Variants in ARHGAP44 observed in about 807,000 individuals in gnomAD.
ARHGAP44 encodes the protein rho GTPase-activating protein 44.
In ARHGAP44, 43 loss-of-function variants were observed where a neutral mutation model predicts 106.8. The observed-to-expected ratio is 0.40, with a 90% CI of 0.32 to 0.52. ARHGAP44 has a LOEUF of 0.52. Ranked by LOEUF, ARHGAP44 falls within the 20% of genes least tolerant of loss-of-function variation. The pLI is 0.48. For synonymous variants in ARHGAP44, 439 were observed against 410.3 expected (o/e 1.07, Z -0.85); for missense variants, 866 against 1,050.5 (o/e 0.82, Z 2.43).
chr17:12,965,213 G>A (rs76234115), intron 16 of ARHGAP44, among the ~76,000 whole-genome samples: 22 of 152,236 alleles, frequency 1.4e-4, no homozygotes, highest in African/African-American at 4.6e-4. Context: ...ACCTCAGGCC[G>A]TGATTCTCAG....
intron 1 of ARHGAP44, among the ~76,000 whole-genome samples, chr17:12,849,718 G>T (rs1310344708): frequency 6.6e-6 from 1 of 151,822 alleles, no homozygotes; most frequent in Non-Finnish European, 1.5e-5. Context: ...AACAGCATCC[G>T]CAAATTATTG....
intron 1 of ARHGAP44, among the ~76,000 whole-genome samples, chr17:12,834,288 C>T (rs1457984952): frequency 6.6e-6 from 1 of 152,160 alleles, no homozygotes; most frequent in Non-Finnish European, 1.5e-5. Context: ...AGTCTTCTTC[C>T]ATATGTCTAA....
At chr17:12,974,039 C>G in intron 17 of ARHGAP44, 50 bp from the exon 18 acceptor site, 1 of 1,527,784 alleles carries the variant, frequency 6.5e-7, no homozygotes, top group Non-Finnish European at 8.9e-7. Context: ...GAGCCTGTCT[C>G]CTGTCATCTG....
chr17:12,841,641 A>ACACACACACACAC (rs2035409552), intron 1 of ARHGAP44, among the ~76,000 whole-genome samples: 1 of 127,804 alleles, frequency 7.8e-6, no homozygotes, highest in African/African-American at 3.4e-5. Flanking sequence ...CACACACACA[A>ACACACACACACAC]ACAAACAAAC....
chr17:12,906,976 A>T (rs2037569426), intron 3 of ARHGAP44, among the ~76,000 whole-genome samples: 1 of 152,100 alleles, frequency 6.6e-6, no homozygotes, highest in African/African-American at 2.4e-5. Flanking sequence ...AAACAGAAAA[A>T]AAGGAAAGAA....
intron 13 of ARHGAP44, among the ~76,000 whole-genome samples, chr17:12,954,140 C>T (rs143332475): frequency 0.013 from 2,013 of 151,814 alleles, 24 homozygotes; most frequent in Middle Eastern, 0.031. Flanking sequence ...ACAGGTGATC[C>T]GCCCGCCTCG....
intron 1 of ARHGAP44, among the ~76,000 whole-genome samples, chr17:12,799,354 G>A (rs1477770794): frequency 6.6e-6 from 1 of 152,158 alleles, no homozygotes; most frequent in African/African-American, 2.4e-5. Flanking sequence ...TGAGTCAGGA[G>A]GACTCCCATG....
chr17:12,961,409 A>T (rs1001390080), intron 16 of ARHGAP44, among the ~76,000 whole-genome samples: 4 of 152,244 alleles, frequency 2.6e-5, no homozygotes, highest in African/African-American at 9.6e-5. Flanking sequence ...GTATTGTTGT[A>T]CATAAAATAA....
intron 10 of ARHGAP44, among the ~76,000 whole-genome samples, chr17:12,946,021 AGT>A (rs2038842254): frequency 6.6e-6 from 1 of 152,166 alleles, no homozygotes; most frequent in African/African-American, 2.4e-5. Flanking sequence ...GGCCTCCCAA[AGT>A]GCTGAGATTA....
At chr17:12,852,146 G>A (rs1311076080) in intron 1 of ARHGAP44, among the ~76,000 whole-genome samples, 1 of 142,958 alleles carries the variant, frequency 7.0e-6, no homozygotes, top group African/African-American at 2.6e-5. Context: ...GTTCAAATAA[G>A]GTTAAAGTCT....
At chr17:12,945,888 G>A (rs2038838413) in intron 10 of ARHGAP44, among the ~76,000 whole-genome samples, 2 of 152,226 alleles carry the variant, frequency 1.3e-5, no homozygotes, top group South Asian at 2.1e-4. Context: ...CCAGGTTCAA[G>A]CGATTCTCCT....
intron 1 of ARHGAP44, among the ~76,000 whole-genome samples, chr17:12,862,662 T>A (rs191376784): frequency 2.6e-5 from 4 of 152,232 alleles, no homozygotes; most frequent in African/African-American, 7.2e-5. Context: ...GAATGTTCAT[T>A]ATACTTGCAC....
At chr17:12,830,743 A>AT (rs11454927) in intron 1 of ARHGAP44, among the ~76,000 whole-genome samples, 29,911 of 151,716 alleles carry the variant, frequency 0.2, 3,949 homozygotes, top group African/African-American at 0.37. Flanking sequence ...ATATGTTATT[A>AT]TTTTTTTTCC....
At chr17:12,841,614 A>T (rs1312867960) in intron 1 of ARHGAP44, among the ~76,000 whole-genome samples, 12 of 144,436 alleles carry the variant, frequency 8.3e-5, no homozygotes, top group Admixed American at 4.1e-4. Flanking sequence ...ACACACACAC[A>T]CACACACACA....
chr17:12,910,733 T>G (rs2150942412), intron 4 of ARHGAP44, among the ~76,000 whole-genome samples: 1 of 152,110 alleles, frequency 6.6e-6, no homozygotes, highest in Non-Finnish European at 1.5e-5. Context: ...GGAGTGCTTA[T>G]GTAGCATTTT....
chr17:12,990,273 C>G lies in ARHGAP44; in HGVS notation c.*102C>G. On this transcript the variant is annotated 3_prime_UTR_variant, in exon 21 of 21. Transcript: ENST00000379672. Reference sequence around the variant, plus strand: ...GCTTGCCAAGTGTTCTCTGCTGGCTCTTTCCTGCCACTGCCAACACGAGGT... The same window carrying G: ...GCTTGCCAAGTGTTCTCTGCTGGCTGTTTCCTGCCACTGCCAACACGAGGT... 7.0e-7 allele frequency: 1 copy of G among 1,427,674 alleles called. No individual in the cohort carries two copies. Among genetic ancestry groups the G allele is most frequent in the Non-Finnish European group, 9.4e-7 (1 of 1,065,268 alleles). 88.4% of individuals were successfully genotyped at this position (1,427,674 alleles called of 1,614,324 possible).
Position 12,949,190 on chromosome 17 carries a change from G to C in ARHGAP44, c.912G>C (p.Ala304=). ...CCTCCAAACTGAAGAAGCTGAAAGC[G>C]GCCCTGGACTGCTGCGTGGTGGATG... ...PSASKLKKLK[A]ALDCCVVDVQ... is the part of the protein sequence containing the mutation. The change falls in exon 11 of 21, where the codon GCG becomes GCC. Residue 304 remains alanine (A), a synonymous_variant. Transcript: ENST00000379672. The surrounding 1 kb of genome is among the most constrained non-coding windows in gnomAD (Gnocchi z 4.1). The C allele has an allele frequency of 6.3e-7, 1 of 1,583,064 alleles. No homozygotes were observed. Among genetic ancestry groups the C allele is most frequent in the Middle Eastern group, 1.7e-4 (1 of 6,032 alleles).
At chr17:12,887,775 G>A (rs996964519) in intron 1 of ARHGAP44, among the ~76,000 whole-genome samples, 1 of 151,940 alleles carries the variant, frequency 6.6e-6, no homozygotes, top group Non-Finnish European at 1.5e-5. Flanking sequence ...GATTTTTGCA[G>A]GGAAGTTTTT....
At chr17:12,939,256 T>C (rs1380819674) in intron 7 of ARHGAP44, among the ~76,000 whole-genome samples, 1 of 152,150 alleles carries the variant, frequency 6.6e-6, no homozygotes, top group Non-Finnish European at 1.5e-5. Context: ...GATTTTTTTT[T>C]TCATCTGTTC....
Sources: allele counts gnomAD v4.1 joint callset (sites outside exome capture counted in the v4.1 genomes callset), GRCh38; gene constraint gnomAD v4.1.1; non-coding constraint Gnocchi (gnomAD v3.1); transcripts MANE v1.5; gene names NCBI Gene and HGNC (gene_info 2026-07-23, HGNC 2026-07-21).